EML4: variants seen among roughly 807,000 people sequenced by gnomAD.
EML4 encodes the protein echinoderm microtubule-associated protein-like 4.
EML4 carries 72 observed loss-of-function variants against 129.0 expected under a neutral mutation model. The ratio of observed to expected loss-of-function variants is 0.56; its 90% confidence interval spans 0.46 to 0.68. The LOEUF (loss-of-function observed/expected upper bound fraction) is 0.68, where lower values mean the gene tolerates loss of function less well. Among genes scored for constraint, EML4 ranks in the 30% least tolerant of loss-of-function variants. The pLI, the probability that EML4 is intolerant of heterozygous loss-of-function variation, is 0.00. For missense variants in EML4, 1,363 were observed against 1,190.6 expected (o/e 1.14, Z -2.13); for synonymous variants, 532 against 405.0 (o/e 1.31, Z -3.77).
chr2:42,277,939 T>C (rs1292001953), intron 6 of EML4, among the ~76,000 whole-genome samples: 12 of 152,214 alleles, frequency 7.9e-5, no homozygotes, highest in Admixed American at 7.9e-4. Context: ...TCCTTCCTCT[T>C]CATGGTTTGC....
chr2:42,264,912 C>T lies in EML4; in HGVS notation c.667+181C>T, dbSNP rs760229294. 34 of 1,549,990 alleles carry T rather than the reference C, an allele frequency of 2.2e-5. 1 individual carries two copies. In the South Asian group the frequency reaches 3.0e-4, roughly 14 times the overall value. On this transcript the variant is annotated intron_variant, in intron 6 of 22. Coordinates refer to ENST00000318522, the MANE Select transcript of EML4 (RefSeq NM_019063.5). ...TTGTAAGGTAATGTCATTTTTGTCT[C>T]AACCAGCAAAAATGTCAACTCGCGA...
At chr2:42,310,044 T>G (rs1668846965) in intron 17 of EML4, among the ~76,000 whole-genome samples, 1 of 152,224 alleles carries the variant, frequency 6.6e-6, no homozygotes, top group South Asian at 2.1e-4. Flanking sequence ...ACTTCATTCT[T>G]TTGTATGTGG....
Position 42,288,299 on chromosome 2 carries a change from A to G in EML4, c.1195A>G (p.Lys399Glu). 1 of 1,560,170 alleles carries G rather than the reference A, an allele frequency of 6.4e-7. No individual in the cohort carries two copies. The highest frequency in any genetic ancestry group is 8.8e-7 in the Non-Finnish European group (1 of 1,136,420). ...HMLTVWDWQK[K>E]AKGAEIKTTN... ...GCTTACTGTATGGGACTGGCAGAAG[A>G]AAGCAAAAGGAGCAGAAATAAAGGT... The change falls in exon 11 of 23, where the codon AAA becomes GAA. Residue 399 changes from lysine (K) to glutamate (E), a missense_variant. Physicochemically the swap from Lys to Glu is moderately conservative, Grantham distance 56. Coordinates refer to ENST00000318522, the MANE Select transcript of EML4 (RefSeq NM_019063.5).
In EML4 at chr2:42,295,409, G is replaced by GTTTA; in HGVS notation, c.1383_1386dup (p.Ala463PhefsTer35). Reference sequence around the variant, plus strand: ...TATGAAAAGCCAAAATTTGTGCAGTGTTTAGCATTCTTGGGGAATGGAGAT... The same window carrying GTTTA: ...TATGAAAAGCCAAAATTTGTGCAGTGTTTATTTAGCATTCTTGGGGAATGGAGAT... On this transcript the variant is annotated frameshift_variant, in exon 13 of 23. Coordinates refer to ENST00000318522, the MANE Select transcript of EML4 (RefSeq NM_019063.5). LOFTEE classifies it high-confidence loss of function. 1 of 1,613,980 alleles carries GTTTA rather than the reference G, an allele frequency of 6.2e-7. No homozygotes were observed. Among genetic ancestry groups the GTTTA allele is most frequent in the African/African-American group, 1.3e-5 (1 of 75,030 alleles).
intron 1 of EML4, among the ~76,000 whole-genome samples, chr2:42,217,902 C>G (rs1276980424): frequency 6.6e-6 from 1 of 152,174 alleles, no homozygotes; most frequent in Non-Finnish European, 1.5e-5. Flanking sequence ...CTGATCATCT[C>G]ACTTTTGGAA....
intron 1 of EML4, among the ~76,000 whole-genome samples, chr2:42,180,971 A>G (rs79609965): frequency 0.023 from 3,489 of 152,156 alleles, 135 homozygotes; most frequent in African/African-American, 0.08. Context: ...TTTCATCCTG[A>G]TTAGATTCAA....
chr2:42,228,964 T>C (rs1191582504), intron 1 of EML4, among the ~76,000 whole-genome samples: 3 of 152,216 alleles, frequency 2.0e-5, no homozygotes, highest in African/African-American at 7.2e-5. Flanking sequence ...AGTCCATTTT[T>C]AATTTTCTGA....
At chr2:42,263,664 A>G (rs1268149570) in intron 5 of EML4, among the ~76,000 whole-genome samples, 2 of 151,722 alleles carry the variant, frequency 1.3e-5, no homozygotes, top group African/African-American at 4.8e-5. Flanking sequence ...CCGCCTCCCA[A>G]AGTGCTGGGA....
intron 1 of EML4, among the ~76,000 whole-genome samples, chr2:42,212,004 C>T (rs934755595): frequency 4.6e-5 from 7 of 152,010 alleles, no homozygotes; most frequent in African/African-American, 1.4e-4. Context: ...GCCACCACGC[C>T]CAGCTAATTA....
At chr2:42,197,009 C>T (rs971457170) in intron 1 of EML4, among the ~76,000 whole-genome samples, 2 of 152,112 alleles carry the variant, frequency 1.3e-5, no homozygotes, top group African/African-American at 2.4e-5. Context: ...TAGAAGAGCC[C>T]TGCAGAAATG....
At chr2:42,184,859 T>G (rs1207925787) in intron 1 of EML4, among the ~76,000 whole-genome samples, 1 of 152,216 alleles carries the variant, frequency 6.6e-6, no homozygotes, top group Non-Finnish European at 1.5e-5. Flanking sequence ...GAAATACATT[T>G]CTTAAGGACA....
At chr2:42,207,598 A>G (rs1672636792) in intron 1 of EML4, among the ~76,000 whole-genome samples, 1 of 152,192 alleles carries the variant, frequency 6.6e-6, no homozygotes, top group African/African-American at 2.4e-5. Flanking sequence ...GTTCTAATAA[A>G]TTTAGTTAAC....
chr2:42,321,180 T>C (rs1049907351), intron 19 of EML4, among the ~76,000 whole-genome samples: 2 of 151,888 alleles, frequency 1.3e-5, no homozygotes, highest in African/African-American at 4.8e-5. Context: ...TCAAGAGATC[T>C]ACACCATCCT....
intron 1 of EML4, among the ~76,000 whole-genome samples, chr2:42,229,117 A>G (rs1050996252): frequency 3.3e-5 from 5 of 152,182 alleles, no homozygotes; most frequent in Admixed American, 1.3e-4. Context: ...CTTAAGGATT[A>G]AGGTGATCTA....
rs570209617 is a variant in EML4, at chr2:42,169,369, C to T, written c.-243C>T. On this transcript the variant is annotated 5_prime_UTR_variant, in exon 1 of 23. Transcript: ENST00000318522. ...CGGCGCGGCGCGGCGCTCGCGGCTG[C>T]TGCCTGGGAGGGAGGCCGGGCAGGC... 2.2e-4 allele frequency: 53 copies of T among 236,738 alleles called. No individual in the cohort carries two copies. Among genetic ancestry groups the T allele is most frequent in the Non-Finnish European group, 3.9e-4 (48 of 122,314 alleles). The allele number at this position is 236,738 out of a possible 1,614,324, so 14.7% of individuals were successfully genotyped here.
At chr2:42,239,111 A>T (rs1471850955) in intron 1 of EML4, among the ~76,000 whole-genome samples, 1 of 152,238 alleles carries the variant, frequency 6.6e-6, no homozygotes, top group Admixed American at 6.5e-5. Flanking sequence ...TCATTTCACC[A>T]CAGTGCTTGC....
At chr2:42,208,364 T>A (rs148406691) in intron 1 of EML4, among the ~76,000 whole-genome samples, 6 of 151,506 alleles carry the variant, frequency 4.0e-5, no homozygotes, top group Non-Finnish European at 5.9e-5. Flanking sequence ...TATTAAAAAA[T>A]TTTTATTTTA....
intron 1 of EML4, among the ~76,000 whole-genome samples, chr2:42,221,209 G>C (rs1009800382): frequency 6.6e-6 from 1 of 152,042 alleles, no homozygotes; most frequent in Non-Finnish European, 1.5e-5. Context: ...GAGAAGAGAA[G>C]CCAATGCCTG....
At chr2:42,254,994 T>C (rs1410015906) in intron 2 of EML4, among the ~76,000 whole-genome samples, 1 of 152,140 alleles carries the variant, frequency 6.6e-6, no homozygotes, top group East Asian at 1.9e-4. Context: ...GAAAACATTG[T>C]ACTATATAAA....
Sources: gnomAD v4.1 joint callset for allele counts (sites outside exome capture counted in the v4.1 genomes callset) on GRCh38, gnomAD v4.1.1 for gene constraint, MANE v1.5 for transcripts, NCBI Gene and HGNC (gene_info 2026-07-23, HGNC 2026-07-21) for gene names.